The following DMD variants were observed in gnomAD, a reference collection of about 807,000 sequenced individuals.
DMD encodes mutant dystrophin.
A neutral mutation model predicts 330.1 loss-of-function variants in DMD; 63 were observed. The ratio of observed to expected loss-of-function variants is 0.19; its 90% CI spans 0.16 to 0.24. The LOEUF (loss-of-function observed/expected upper bound fraction) is 0.24, where lower values mean the gene tolerates loss of function less well. Ranked by LOEUF, DMD falls within the 10% of genes least tolerant of loss-of-function variation. DMD has a pLI of 1.00. For synonymous variants in DMD, 1,223 were observed against 959.8 expected (o/e 1.27, Z -5.07); for missense variants, 3,344 against 2,684.1 (o/e 1.25, Z -5.43).
chrX:32,082,776 A>T (rs1318312834), intron 44 of DMD, among the ~76,000 whole-genome samples: 1 of 111,863 alleles, frequency 8.9e-6, no homozygotes, highest in African/African-American at 3.3e-5. Context: ...CAAAAGTCCT[A>T]TGTAAATTGA....
chrX:32,363,080 GAA>G (rs2097842963), intron 36 of DMD, 122 bp from the exon 37 acceptor site: 1 of 682,270 alleles, frequency 1.5e-6, no homozygotes, highest in African/African-American at 2.2e-5. Flanking sequence ...GAGAGAGAGA[GAA>G]AGTAAGAAAA....
intron 5 of DMD, among the ~76,000 whole-genome samples, chrX:32,821,137 G>A (rs192405977): frequency 3.5e-4 from 39 of 110,965 alleles, no homozygotes; most frequent in African/African-American, 1.1e-3. Flanking sequence ...CCCTCTCCCC[G>A]CTTACTGTTG....
chrX:33,201,127 C>T (rs1019082491), intron 1 of DMD, among the ~76,000 whole-genome samples: 4 of 109,816 alleles, frequency 3.6e-5, no homozygotes, highest in Non-Finnish European at 7.6e-5. Flanking sequence ...GATGTGGTTT[C>T]ACCATGTTGG....
At chrX:32,067,448 A>G (rs1342575039) in intron 44 of DMD, among the ~76,000 whole-genome samples, 2 of 110,931 alleles carry the variant, frequency 1.8e-5, no homozygotes, top group Non-Finnish European at 3.8e-5. Flanking sequence ...AAATGATCCC[A>G]TTAACCAGGT....
Position 32,406,360 on chromosome X carries a change from G to A in DMD, c.4233+5392C>T, listed in dbSNP as rs1476192639. ...TTCAAAGGGAATGCTTCCAGTTTTT[G>A]CCCATTCAGTATGATATTGGCTGTG... On this transcript the variant is annotated intron_variant, in intron 30 of 78. Transcript: ENST00000357033. Among the ~76,000 whole-genome samples, 3 of 111,045 alleles carry A rather than the reference G, an allele frequency of 2.7e-5. No individual in the cohort carries two copies. In the Admixed American group the frequency reaches 2.9e-4, roughly 11 times the overall value.
At chrX:31,897,015 G>A (rs969553401) in intron 47 of DMD, among the ~76,000 whole-genome samples, 3 of 109,513 alleles carry the variant, frequency 2.7e-5, no homozygotes, top group African/African-American at 1.0e-4. Flanking sequence ...CTGGCGCGCT[G>A]CACCCACTAA....
intron 1 of DMD, among the ~76,000 whole-genome samples, chrX:33,052,359 C>T (rs1014934505): frequency 2.7e-5 from 3 of 111,807 alleles, no homozygotes; most frequent in Admixed American, 9.5e-5. Flanking sequence ...CAAATATATA[C>T]GAGAATGACT....
chrX:31,530,020 G>T (rs940838734), intron 55 of DMD, among the ~76,000 whole-genome samples: 6 of 111,683 alleles, frequency 5.4e-5, no homozygotes, highest in African/African-American at 1.6e-4. Context: ...AAACGGGAAA[G>T]AATTCACTTT....
At chrX:32,669,920 C>A (rs995084020) in intron 9 of DMD, among the ~76,000 whole-genome samples, 3 of 111,476 alleles carry the variant, frequency 2.7e-5, no homozygotes, top group Non-Finnish European at 5.7e-5. Context: ...TCCTACTCCT[C>A]CTCCCCTAAC....
intron 1 of DMD, among the ~76,000 whole-genome samples, chrX:33,107,869 T>A (rs2095305258): frequency 8.9e-6 from 1 of 111,834 alleles, no homozygotes; most frequent in African/African-American, 3.2e-5. Flanking sequence ...TATATTTTTT[T>A]ATCTAGGAAT....
intron 63 of DMD, among the ~76,000 whole-genome samples, chrX:31,233,736 C>T (rs759478391): frequency 9.8e-5 from 11 of 111,976 alleles, no homozygotes; most frequent in African/African-American, 3.6e-4. Flanking sequence ...CTACCTTGGC[C>T]TTACCGCCGT....
chrX:31,420,111 A>G (rs2063285764), intron 60 of DMD, among the ~76,000 whole-genome samples: 1 of 112,242 alleles, frequency 8.9e-6, no homozygotes, highest in Admixed American at 9.5e-5. Flanking sequence ...GGTGTTTTCT[A>G]GAAAGTTGGG....
At chrX:31,921,939 G>A (rs898963467) in intron 47 of DMD, among the ~76,000 whole-genome samples, 2 of 111,505 alleles carry the variant, frequency 1.8e-5, no homozygotes, top group African/African-American at 6.5e-5. Flanking sequence ...TTGCCTATAT[G>A]GTATTATAGT....
At chrX:32,700,655 A>G (rs1316504803) in intron 7 of DMD, among the ~76,000 whole-genome samples, 1 of 111,772 alleles carries the variant, frequency 8.9e-6, no homozygotes, top group Non-Finnish European at 1.9e-5. Context: ...ATCGTGTTGT[A>G]CATGATAAAT....
At chrX:33,184,801 G>A (rs1268556144) in intron 1 of DMD, among the ~76,000 whole-genome samples, 1 of 92,566 alleles carries the variant, frequency 1.1e-5, no homozygotes, top group African/African-American at 4.2e-5. Context: ...TTGGCTCACC[G>A]CAACCTCCAC....
At chrX:31,762,706 T>A (rs1384972949) in intron 51 of DMD, among the ~76,000 whole-genome samples, 2 of 112,159 alleles carry the variant, frequency 1.8e-5, no homozygotes, top group East Asian at 5.6e-4. Flanking sequence ...CTGGAAGTCT[T>A]GCTCTATGAG....
chrX:33,145,369 T>C (rs1455035841), intron 1 of DMD, among the ~76,000 whole-genome samples: 2 of 111,902 alleles, frequency 1.8e-5, no homozygotes, highest in East Asian at 5.6e-4. Context: ...CTACTGAAGC[T>C]GGAATAACTA....
chrX:31,499,487 T>C (rs1202126671), intron 56 of DMD, among the ~76,000 whole-genome samples: 1 of 94,799 alleles, frequency 1.1e-5, no homozygotes, highest in Non-Finnish European at 2.1e-5. Flanking sequence ...GGGAATTCAG[T>C]TCTTTTTTTT....
chrX:33,196,892 C>A (rs2050968819), intron 1 of DMD, among the ~76,000 whole-genome samples: 1 of 110,922 alleles, frequency 9.0e-6, no homozygotes, highest in Non-Finnish European at 1.9e-5. Flanking sequence ...GTTTAAAACC[C>A]AGGTAGTCTC....
Sources: gnomAD v4.1 joint callset for allele counts (sites outside exome capture counted in the v4.1 genomes callset) on GRCh38, gnomAD v4.1.1 for gene constraint, MANE v1.5 for transcripts, NCBI Gene and HGNC (gene_info 2026-07-23, HGNC 2026-07-21) for gene names.